Variants in HACE1 observed in about 807,000 individuals in gnomAD.
HACE1 encodes the protein E3 ubiquitin-protein ligase HACE1.
HACE1 carries 73 observed loss-of-function variants against 118.4 expected under a neutral mutation model. The ratio of observed to expected loss-of-function variants is 0.62; its 90% confidence interval spans 0.51 to 0.75. HACE1 has a LOEUF of 0.75. HACE1 is among the 30% of genes least tolerant of loss of function. The probability of loss-of-function intolerance (pLI) is 0.00; values close to 1 mark genes in which losing one functional copy is unlikely to be tolerated. For missense variants in HACE1, 749 were observed against 1,102.2 expected (o/e 0.68, Z 4.54); for synonymous variants, 368 against 374.8 (o/e 0.98, Z 0.21).
chr6:104,859,268 A>C, intron 1 of HACE1: 2 of 362,550 alleles, frequency 5.5e-6, no homozygotes, highest in Non-Finnish European at 9.9e-6. Context: ...TCCGGCTGGT[A>C]TTCCTGCCCC....
Position 104,824,487 on chromosome 6 carries a change from T to TA in HACE1, c.534+8554dup, listed in dbSNP as rs535341733. 2.4e-3 allele frequency among the ~76,000 whole-genome samples: 367 copies of TA among 152,216 alleles called. 2 individuals are homozygous for TA. The highest frequency in any genetic ancestry group is 5.3e-3 in the Admixed American group (81 of 15,218). ...TCATGTGTGCCCAAAGGTTAAAACT[T>TA]AGATAGATGAAAATGTACTCTGAGC... On this transcript the variant is annotated intron_variant, in intron 6 of 23. Coordinates refer to ENST00000262903, the MANE Select transcript of HACE1 (RefSeq NM_020771.4).
intron 19 of HACE1, 102 bp downstream of exon 19, chr6:104,771,091 T>C (rs1259303495): frequency 2.0e-5 from 16 of 799,470 alleles, no homozygotes; most frequent in Non-Finnish European, 2.2e-5. Flanking sequence ...GATACTGTAA[T>C]AGTAAAAGTT....
intron 5 of HACE1, among the ~76,000 whole-genome samples, chr6:104,837,211 G>A (rs1481518030): frequency 6.6e-6 from 1 of 152,168 alleles, no homozygotes; most frequent in Non-Finnish European, 1.5e-5. Context: ...GACAAAGTGA[G>A]AGGAATTATT....
At position 104,791,548 on chromosome 6, in the gene HACE1, T is replaced by C. The variant is rs781099793; in HGVS notation, c.1030A>G (p.Met344Val). ...GPSSPSNGID[M>V]GYNGNKTPRS... ...GGAGTTTTATTCCCATTGTAGCCCA[T>C]ATCAATTCCATTACTGGGGGAGGAT... Residue 344 changes from methionine (M) to valine (V), a missense_variant, in exon 11 of 24, where the codon ATG becomes GTG. Met to Val is a conservative substitution (Grantham distance 21). Around this residue, in one of 5 missense-constraint regions of HACE1, gnomAD observed 267 missense variants for 312.2 expected, o/e 0.86. Coordinates refer to ENST00000262903, the MANE Select transcript of HACE1 (RefSeq NM_020771.4). The C allele has an allele frequency of 1.2e-6, 2 of 1,613,052 alleles. No individual in the cohort carries two copies. The highest frequency in any genetic ancestry group is 1.7e-5 in the Admixed American group (1 of 60,014).
Position 104,820,926 on chromosome 6 carries a change from A to C in HACE1, c.535-9533T>G, listed in dbSNP as rs140679889. 5.9e-5 allele frequency among the ~76,000 whole-genome samples: 9 copies of C among 152,344 alleles called. No homozygotes were observed. In the East Asian group the frequency reaches 1.7e-3, roughly 29 times the overall value. Reference sequence around the variant, plus strand: ...CTGCACTATTCACAATAGCAAAGACATGGAATCAACCTAAATGCCCATCGA... The same window carrying C: ...CTGCACTATTCACAATAGCAAAGACCTGGAATCAACCTAAATGCCCATCGA... On this transcript the variant is annotated intron_variant, in intron 6 of 23. Transcript: ENST00000262903.
chr6:104,859,706 G>T lies in HACE1; in HGVS notation c.-64C>A. On this transcript the variant is annotated 5_prime_UTR_variant, in exon 1 of 24. Coordinates refer to ENST00000262903, the MANE Select transcript of HACE1 (RefSeq NM_020771.4). Reference sequence around the variant, plus strand: ...CCCACCGGCGGCCTCCGCGCCCAGAGCCCTACATCTCGCCTGGGCCCGTCC... The same window carrying T: ...CCCACCGGCGGCCTCCGCGCCCAGATCCCTACATCTCGCCTGGGCCCGTCC... The T allele has an allele frequency of 7.2e-7, 1 of 1,388,326 alleles. No homozygotes were observed. The highest frequency in any genetic ancestry group is 9.8e-7 in the Non-Finnish European group (1 of 1,019,182). The allele number at this position is 1,388,326 out of a possible 1,614,324, so 86.0% of individuals were successfully genotyped here.
chr6:104,774,424 C>CG (rs1214178930), intron 17 of HACE1, among the ~76,000 whole-genome samples: 10 of 144,744 alleles, frequency 6.9e-5, no homozygotes, highest in East Asian at 4.3e-4. Context: ...CTCGCCCTGT[C>CG]ACCAGGCTGG....
rs1293719370 is a variant in HACE1 at position 104,813,725 on chromosome 6, T to C, written c.535-2332A>G. ...TGTACACAACGCTTCCAGCCAACATTTGAGTGCCTCACCATTACACATGAA... is the reference window on the plus strand; with the variant it reads ...TGTACACAACGCTTCCAGCCAACATCTGAGTGCCTCACCATTACACATGAA... On this transcript the variant is annotated intron_variant, in intron 6 of 23. Coordinates refer to ENST00000262903, the MANE Select transcript of HACE1 (RefSeq NM_020771.4). Among the ~76,000 whole-genome samples, 3 of 138,206 alleles carry C rather than the reference T, an allele frequency of 2.2e-5. 1 individual carries two copies. Among genetic ancestry groups the C allele is most frequent in the Non-Finnish European group, 4.7e-5 (3 of 64,356 alleles). 90.7% of individuals were successfully genotyped at this position (138,206 alleles called of 152,430 possible).
chr6:104,832,963 T>C (rs1774156078), intron 6 of HACE1, 79 bp downstream of exon 6: 3 of 1,289,646 alleles, frequency 2.3e-6, no homozygotes, highest in Non-Finnish European at 1.1e-6. Context: ...TTCCCAAATA[T>C]GCACAATGAA....
intron 14 of HACE1, among the ~76,000 whole-genome samples, chr6:104,778,485 T>C (rs149086124): frequency 1.3e-5 from 2 of 152,092 alleles, no homozygotes; most frequent in African/African-American, 2.4e-5. Flanking sequence ...TACTACTTCT[T>C]TGAATAAGCA....
chr6:104,852,280 T>C (rs1182949435), intron 2 of HACE1, 37 bp downstream of exon 2: 1 of 1,436,300 alleles, frequency 7.0e-7, no homozygotes. Flanking sequence ...CAATGTATGC[T>C]TCTTAAAAAG....
intron 7 of HACE1, among the ~76,000 whole-genome samples, chr6:104,801,315 T>C (rs1199280627): frequency 6.6e-6 from 1 of 152,144 alleles, no homozygotes; most frequent in Non-Finnish European, 1.5e-5. Context: ...CCAGGAGGAC[T>C]TCCCCAACCT....
At chr6:104,812,687 A>C (rs1771753470) in intron 6 of HACE1, among the ~76,000 whole-genome samples, 1 of 152,138 alleles carries the variant, frequency 6.6e-6, no homozygotes, top group Non-Finnish European at 1.5e-5. Context: ...CTGAAGTCTA[A>C]CTGCCCACAA....
At chr6:104,741,657 A>G (rs1013717309) in intron 22 of HACE1, among the ~76,000 whole-genome samples, 26 of 144,390 alleles carry the variant, frequency 1.8e-4, no homozygotes, top group Non-Finnish European at 3.6e-4. Context: ...AAGGAAATAA[A>G]AGAGGATACA....
chr6:104,828,509 G>T (rs1773547867), intron 6 of HACE1, among the ~76,000 whole-genome samples: 2 of 151,888 alleles, frequency 1.3e-5, no homozygotes, highest in South Asian at 4.2e-4. Context: ...AGCTAAGAAT[G>T]GAGTTTAACA....
At chr6:104,758,925 T>C (rs904279916) in intron 19 of HACE1, among the ~76,000 whole-genome samples, 2 of 150,108 alleles carry the variant, frequency 1.3e-5, no homozygotes, top group African/African-American at 2.4e-5. Context: ...AAACAGACGT[T>C]AGACCAAAGA....
chr6:104,774,190 C>A (rs1384422459), intron 17 of HACE1, among the ~76,000 whole-genome samples: 2 of 112,546 alleles, frequency 1.8e-5, no homozygotes, highest in East Asian at 2.2e-4. Context: ...CCCGGGTTCA[C>A]GCCATTCTCC....
Position 104,859,846 on chromosome 6 carries a change from C to T in HACE1, c.-204G>A. 2.0e-6 allele frequency: 1 copy of T among 511,180 alleles called. No homozygotes were observed. Among genetic ancestry groups the T allele is most frequent in the Non-Finnish European group, 3.4e-6 (1 of 292,864 alleles). The allele number at this position is 511,180 out of a possible 1,614,324, so 31.7% of individuals were successfully genotyped here. A position where few individuals can be genotyped will look rare whatever the true frequency, so the allele number is the denominator to read the frequency against. On this transcript the variant is annotated 5_prime_UTR_variant, in exon 1 of 24. The change creates a new upstream start codon in the 5' untranslated region. Coordinates refer to ENST00000262903, the MANE Select transcript of HACE1 (RefSeq NM_020771.4). The stretch of plus-strand genomic sequence containing the variant: ...TGCCGGACCGACCACCTACAGTACA[C>T]CCGCCGCCGCCTCTGCTCGCGCCTT...
At chr6:104,807,608 T>C (rs955144839) in intron 7 of HACE1, among the ~76,000 whole-genome samples, 1 of 152,030 alleles carries the variant, frequency 6.6e-6, no homozygotes, top group African/African-American at 2.4e-5. Context: ...ACTGAGAACA[T>C]AAGGATTGAA....
Sources: gnomAD v4.1 joint callset for allele counts (sites outside exome capture counted in the v4.1 genomes callset) on GRCh38, gnomAD v4.1.1 for gene constraint, gnomAD v4.1.1 regional missense constraint, MANE v1.5 for transcripts, NCBI Gene and HGNC (gene_info 2026-07-23, HGNC 2026-07-21) for gene names.